The following SLC4A5 variants were observed in gnomAD, a reference collection of about 807,000 sequenced individuals.
The protein encoded by SLC4A5 is solute carrier family 4 member 5.
In SLC4A5, 96 loss-of-function variants were observed where a neutral mutation model predicts 120.4. That is an observed-to-expected ratio of 0.80 (90% CI 0.68 to 0.94). The LOEUF is 0.94. SLC4A5 is among the 40% of genes least tolerant of loss of function. The probability of loss-of-function intolerance (pLI) is 0.00; values close to 1 mark genes in which losing one functional copy is unlikely to be tolerated. For missense variants in SLC4A5, 1,259 were observed against 1,459.5 expected (o/e 0.86, Z 2.24); for synonymous variants, 550 against 571.1 (o/e 0.96, Z 0.53).
chr2:74,238,173 A>G (rs191995327), intron 21 of SLC4A5, among the ~76,000 whole-genome samples: 6 of 152,220 alleles, frequency 3.9e-5, no homozygotes, highest in African/African-American at 1.4e-4. Flanking sequence ...AAAATCAAGT[A>G]CCTAGGAATA....
intron 7 of SLC4A5, among the ~76,000 whole-genome samples, chr2:74,286,517 T>C (rs1271791860): frequency 3.3e-5 from 5 of 152,228 alleles, no homozygotes; most frequent in South Asian, 2.1e-4. Context: ...TCTCTCTTTT[T>C]CTTTCTTTTC....
chr2:74,239,925 C>A, intron 20 of SLC4A5, among the ~76,000 whole-genome samples: 1 of 151,774 alleles, frequency 6.6e-6, no homozygotes, highest in Admixed American at 6.6e-5. Context: ...CCTTGTCAGT[C>A]CCCTCTTGGG....
intron 7 of SLC4A5, among the ~76,000 whole-genome samples, chr2:74,299,002 C>A (rs1487265473): frequency 6.6e-6 from 1 of 152,148 alleles, no homozygotes; most frequent in Non-Finnish European, 1.5e-5. Flanking sequence ...ATGGGAGGGA[C>A]CTGGTGGCAG....
At chr2:74,262,784 G>C (rs1469406265) in intron 10 of SLC4A5, among the ~76,000 whole-genome samples, 1 of 152,142 alleles carries the variant, frequency 6.6e-6, no homozygotes, top group African/African-American at 2.4e-5. Context: ...TGGGCACAAG[G>C]TGTAGTAGAC....
intron 8 of SLC4A5, among the ~76,000 whole-genome samples, chr2:74,274,135 T>C (rs1159548095): frequency 3.3e-5 from 5 of 152,362 alleles, no homozygotes; most frequent in Admixed American, 3.3e-4. Flanking sequence ...GGTAGGTCTG[T>C]GACTATTCTC....
intron 27 of SLC4A5, among the ~76,000 whole-genome samples, chr2:74,225,856 T>C (rs762666180): frequency 6.6e-6 from 1 of 152,192 alleles, no homozygotes; most frequent in Non-Finnish European, 1.5e-5. Flanking sequence ...CTGCCCTATC[T>C]GGCTGTGTGT....
At position 74,252,177 on chromosome 2, in the gene SLC4A5, AC is replaced by A; in HGVS notation, c.1478+1del. On this transcript the variant is annotated splice_donor_variant, in intron 16 of 30. Coordinates refer to ENST00000394019, the Ensembl canonical transcript of SLC4A5. LOFTEE classifies it high-confidence loss of function. Reference sequence around the variant, plus strand: ...GGTCACTGGGAGGCCTGGGGTGGGCACCTTCCTGTCCAGATAAGTTCCTCCC... The same window carrying A: ...GGTCACTGGGAGGCCTGGGGTGGGCACTTCCTGTCCAGATAAGTTCCTCCC... The A allele has an allele frequency of 6.2e-7, 1 of 1,612,082 alleles. No individual in the cohort carries two copies. The highest frequency in any genetic ancestry group is 2.2e-5 in the East Asian group (1 of 44,854).
intron 8 of SLC4A5, among the ~76,000 whole-genome samples, chr2:74,285,470 G>A (rs6546901): frequency 0.3 from 45,353 of 152,040 alleles, 9,264 homozygotes; most frequent in East Asian, 0.74. Flanking sequence ...ATCAGCAGGC[G>A]GTCCTGGAAC....
intron 5 of SLC4A5, among the ~76,000 whole-genome samples, chr2:74,316,801 T>C (rs1022489965): frequency 3.3e-5 from 5 of 152,206 alleles, no homozygotes; most frequent in African/African-American, 1.2e-4. Flanking sequence ...GCCATAACTA[T>C]AGCTTTGATT....
intron 21 of SLC4A5, 55 bp downstream of exon 21, chr2:74,239,280 G>A: frequency 6.4e-7 from 1 of 1,556,926 alleles, no homozygotes; most frequent in Non-Finnish European, 8.9e-7. Flanking sequence ...CCCTCTCTGG[G>A]GGACTCAGCA....
intron 7 of SLC4A5, among the ~76,000 whole-genome samples, chr2:74,302,806 C>T (rs986487180): frequency 2.6e-5 from 4 of 152,194 alleles, no homozygotes; most frequent in Admixed American, 6.5e-5. Flanking sequence ...AAACTGCTTT[C>T]TTCTTCTCTG....
At chr2:74,221,631 G>A (rs1286140294) in intron 29 of SLC4A5, 130 bp from the exon 30 acceptor site, 5 of 888,362 alleles carry the variant, frequency 5.6e-6, no homozygotes, top group African/African-American at 1.7e-5. Flanking sequence ...GGAATACGGG[G>A]CCTCAGAGAT....
chr2:74,280,328 T>G (rs912489330), intron 8 of SLC4A5, among the ~76,000 whole-genome samples: 3 of 152,166 alleles, frequency 2.0e-5, no homozygotes, highest in Non-Finnish European at 4.4e-5. Flanking sequence ...CCCTCCTGCC[T>G]GGATTAGATG....
intron 19 of SLC4A5, 85 bp from the exon 20 acceptor site, chr2:74,242,137 G>C: frequency 7.8e-7 from 1 of 1,279,652 alleles, no homozygotes; most frequent in African/African-American, 1.5e-5. Context: ...TCTCCTTCCA[G>C]TTCCTTAGAG....
chr2:74,233,497 C>T, exon 23 of SLC4A5: 3 of 1,614,128 alleles, frequency 1.9e-6, no homozygotes, highest in Non-Finnish European at 2.5e-6. Context: ...AGGATGCTTG[C>T]TGGGTATACC....
chr2:74,237,581 C>G (rs560184838), intron 21 of SLC4A5, among the ~76,000 whole-genome samples: 1 of 152,222 alleles, frequency 6.6e-6, no homozygotes, highest in South Asian at 2.1e-4. Context: ...GGGAAAAATT[C>G]AACTATTTAT....
chr2:74,333,846 C>T (rs949925080), intron 4 of SLC4A5, among the ~76,000 whole-genome samples, 181 bp downstream of exon 4: 3 of 152,192 alleles, frequency 2.0e-5, no homozygotes, highest in Non-Finnish European at 4.4e-5. Context: ...TTAGGTAGGT[C>T]TGACCTAGGA....
chr2:74,270,773 T>G (rs552714742), intron 8 of SLC4A5, among the ~76,000 whole-genome samples: 44 of 152,336 alleles, frequency 2.9e-4, no homozygotes, highest in African/African-American at 1.0e-3. Context: ...CTGCACCCTG[T>G]GGGTTCAGGA....
At chr2:74,234,716 C>A (rs1197904097) in intron 22 of SLC4A5, among the ~76,000 whole-genome samples, 1 of 152,152 alleles carries the variant, frequency 6.6e-6, no homozygotes, top group Non-Finnish European at 1.5e-5. Context: ...TGATATTGGT[C>A]TGAGGACCAC....
Sources: allele counts gnomAD v4.1 joint callset (sites outside exome capture counted in the v4.1 genomes callset), GRCh38; gene constraint gnomAD v4.1.1; transcripts MANE v1.5; gene names NCBI Gene and HGNC (gene_info 2026-07-23, HGNC 2026-07-21).